Variants in OGG1 observed in about 807,000 individuals in gnomAD.
The protein encoded by OGG1 is 8-oxoguanine DNA glycosylase.
In OGG1, 35 loss-of-function variants were observed where a neutral mutation model predicts 42.3. The observed-to-expected ratio is 0.83, with a 90% confidence interval of 0.63 to 1.10. OGG1 has a LOEUF of 1.10. OGG1 is among the 50% of genes least tolerant of loss of function. The pLI is 0.00. For missense variants in OGG1, 484 were observed against 446.7 expected (o/e 1.08, Z -0.75); for synonymous variants, 189 against 179.0 (o/e 1.06, Z -0.44).
intron 2 of OGG1, among the ~76,000 whole-genome samples, chr3:9,773,604 A>T (rs1011526896): frequency 5.3e-5 from 8 of 150,198 alleles, no homozygotes; most frequent in Non-Finnish European, 1.0e-4. Context: ...AAATGTTCTC[A>T]GGGAAAAGGG....
chr3:9,758,382 C>T (rs982070393), downstream of OGG1: 1 of 155,496 alleles, frequency 6.4e-6, no homozygotes, highest in African/African-American at 2.4e-5. Flanking sequence ...CATGGTACCA[C>T]CACCATCCAT....
At chr3:9,763,156 G>T in intron 7 of OGG1, 1 of 1,614,122 alleles carries the variant, frequency 6.2e-7, no homozygotes, top group Non-Finnish European at 8.5e-7. Flanking sequence ...TGATGAGGTA[G>T]AGGTGGCCCC....
At chr3:9,752,803 C>T (rs1242391793) in intron 3 of OGG1, among the ~76,000 whole-genome samples, 1 of 152,204 alleles carries the variant, frequency 6.6e-6, no homozygotes, top group Non-Finnish European at 1.5e-5. Flanking sequence ...GTAATCCCAA[C>T]ACTTTGGGAG....
chr3:9,782,772 CAGA>C (rs2078508345), intron 3 of OGG1, among the ~76,000 whole-genome samples: 1 of 129,304 alleles, frequency 7.7e-6, no homozygotes, highest in Non-Finnish European at 1.6e-5. Flanking sequence ...GCCTGGGCAA[CAGA>C]GTGAGACACC....
At chr3:9,780,591 C>T (rs3868897) in intron 2 of OGG1, 1,101,748 of 1,564,362 alleles carry the variant, frequency 0.7, 389,563 homozygotes, top group Middle Eastern at 0.81. Context: ...CAGCCCACCT[C>T]CAGAGAACAA....
At chr3:9,755,720 A>G (rs2077515300) in intron 4 of OGG1, among the ~76,000 whole-genome samples, 1 of 152,116 alleles carries the variant, frequency 6.6e-6, no homozygotes, top group African/African-American at 2.4e-5. Context: ...TCAGCCTCCC[A>G]AAGTGCTGGG....
chr3:9,779,980 C>A (rs1264032428), intron 2 of OGG1: 1 of 166,730 alleles, frequency 6.0e-6, no homozygotes, highest in Non-Finnish European at 1.3e-5. Context: ...TTTTGAAAAA[C>A]CACAGCAGTC....
intron 7 of OGG1, chr3:9,762,959 A>G: frequency 1.9e-6 from 3 of 1,614,134 alleles, no homozygotes; most frequent in Non-Finnish European, 2.5e-6. Context: ...GGTATTTCAC[A>G]GCATCCAGCA....
At chr3:9,786,968 A>G in intron 3 of OGG1, 1 of 1,555,292 alleles carries the variant, frequency 6.4e-7, no homozygotes, top group Non-Finnish European at 8.8e-7. Flanking sequence ...TTAAAACACA[A>G]AGTAAATATG....
intron 3 of OGG1, chr3:9,752,216 A>C (rs184397365): frequency 1.9e-6 from 1 of 520,978 alleles, no homozygotes; most frequent in African/African-American, 1.9e-5. Flanking sequence ...GTTTGGGGTT[A>C]AGAGCATGCA....
intron 7 of OGG1, among the ~76,000 whole-genome samples, chr3:9,764,939 A>T (rs1033619679): frequency 4.6e-5 from 7 of 152,026 alleles, no homozygotes; most frequent in African/African-American, 1.4e-4. Context: ...TCTTATTAGA[A>T]ATGCTCTGCC....
chr3:9,773,916 A>G (rs1056304979), intron 2 of OGG1, among the ~76,000 whole-genome samples: 2 of 151,904 alleles, frequency 1.3e-5, no homozygotes, highest in Non-Finnish European at 2.9e-5. Flanking sequence ...TCTGTTGCCC[A>G]GACTTCTCTG....
At chr3:9,754,615 T>G in intron 3 of OGG1, 89 bp from the exon 4 acceptor site, 5 of 1,428,456 alleles carry the variant, frequency 3.5e-6, no homozygotes, top group Non-Finnish European at 4.8e-6. Flanking sequence ...GGAAAAGCAC[T>G]CTTGTGAGGT....
intron 3 of OGG1, chr3:9,783,309 A>C (rs1321829604): frequency 6.6e-6 from 1 of 152,130 alleles, no homozygotes; most frequent in African/African-American, 2.4e-5. Flanking sequence ...ATGGTTAAGA[A>C]GCGTAAATTT....
chr3:9,785,015 G>A (rs1344659567), intron 3 of OGG1, among the ~76,000 whole-genome samples: 5 of 151,758 alleles, frequency 3.3e-5, no homozygotes, highest in Non-Finnish European at 7.4e-5. Flanking sequence ...CTCTATACTT[G>A]CAGCTATATG....
intron 2 of OGG1, among the ~76,000 whole-genome samples, chr3:9,778,216 A>G (rs2078388946): frequency 6.6e-6 from 1 of 152,194 alleles, no homozygotes; most frequent in African/African-American, 2.4e-5. Context: ...CATTATGATT[A>G]GAGTTGGTTT....
At chr3:9,761,611 C>T (rs373479502), downstream of OGG1, 1 of 1,613,902 alleles carries the variant, frequency 6.2e-7, no homozygotes, top group Non-Finnish European at 8.5e-7. Context: ...ATCACAGCCC[C>T]AGCCCAGGGC....
At chr3:9,790,361 G>C (rs2078702072), downstream of OGG1, among the ~76,000 whole-genome samples, 1 of 152,296 alleles carries the variant, frequency 6.6e-6, no homozygotes, top group East Asian at 1.9e-4. Context: ...CTTCCTCAAG[G>C]AGGGTCCATG....
chr3:9,756,666 A>G (rs766639154), intron 5 of OGG1, 45 bp downstream of exon 5: 1 of 1,612,348 alleles, frequency 6.2e-7, no homozygotes, highest in Non-Finnish European at 8.5e-7. Flanking sequence ...CTGGGATGGT[A>G]GAAACTTCTC....
Sources: gnomAD v4.1 joint callset for allele counts (sites outside exome capture counted in the v4.1 genomes callset) on GRCh38, gnomAD v4.1.1 for gene constraint, MANE v1.5 for transcripts, NCBI Gene and HGNC (gene_info 2026-07-23, HGNC 2026-07-21) for gene names.